The following COL9A1 variants were observed in gnomAD, a reference collection of about 807,000 sequenced individuals.
COL9A1 encodes the protein collagen alpha-1(IX) chain.
A neutral mutation model predicts 142.6 loss-of-function variants in COL9A1; 104 were observed. That is an observed-to-expected ratio of 0.73 (90% CI 0.62 to 0.86). COL9A1 has a LOEUF of 0.86. COL9A1 is among the 40% of genes least tolerant of loss of function. The pLI, the probability that COL9A1 is intolerant of heterozygous loss-of-function variation, is 0.00. For synonymous variants in COL9A1, 466 were observed against 396.0 expected, an observed-to-expected ratio of 1.18 and a Z score of -2.10; for missense variants, 1,210 against 1,176.6, an observed-to-expected ratio of 1.03 and a Z score of -0.42.
intron 19 of COL9A1, among the ~76,000 whole-genome samples, chr6:70,261,409 C>T (rs968291034): frequency 6.6e-6 from 1 of 152,130 alleles, no homozygotes; most frequent in Non-Finnish European, 1.5e-5. Flanking sequence ...AGAAATGGAT[C>T]CTGGAAGGAG....
intron 26 of COL9A1, 78 bp from the exon 27 acceptor site, chr6:70,252,393 A>C (rs1345505949): frequency 1.1e-5 from 14 of 1,269,240 alleles, no homozygotes. Flanking sequence ...CCAGACTGGG[A>C]TCTCTTACAT....
intron 28 of COL9A1, among the ~76,000 whole-genome samples, chr6:70,244,712 TTAAAA>T (rs1770482356): frequency 6.6e-6 from 1 of 152,240 alleles, no homozygotes; most frequent in South Asian, 2.1e-4. Context: ...AAGGGCTAAA[TTAAAA>T]TAAGAGATTG....
In COL9A1 at chr6:70,234,951, A is replaced by G. The variant is rs1447785504; in HGVS notation, c.2113-11T>C. 2 of 1,614,080 alleles carry G rather than the reference A, an allele frequency of 1.2e-6. No homozygotes were observed. The highest frequency in any genetic ancestry group is 2.2e-5 in the South Asian group (2 of 91,078). ...CCCAGGATTACCTGCCTGGAACACA[A>G]TTGCACACTATCAAACCAGGGCTAA... is the stretch of plus-strand genomic sequence containing the variant. On this transcript the variant is annotated splice_polypyrimidine_tract_variant and intron_variant, in intron 33 of 37. Coordinates refer to ENST00000357250, the MANE Select transcript of COL9A1 (RefSeq NM_001851.6).
chr6:70,231,983 G>T (rs1769579476), intron 36 of COL9A1, among the ~76,000 whole-genome samples: 1 of 151,910 alleles, frequency 6.6e-6, no homozygotes, highest in African/African-American at 2.4e-5. Flanking sequence ...TGGATGCAAG[G>T]GCTTAACTTG....
chr6:70,269,003 C>T, intron 16 of COL9A1, 143 bp from the exon 17 acceptor site: 2 of 679,376 alleles, frequency 2.9e-6, no homozygotes, highest in South Asian at 3.3e-5. Context: ...ATTCTAAACA[C>T]CCCTTTCCTT....
At chr6:70,278,983 T>C (rs616642) in intron 10 of COL9A1, among the ~76,000 whole-genome samples, 20,492 of 152,218 alleles carry the variant, frequency 0.13, 1,874 homozygotes, top group African/African-American at 0.26. Context: ...TGACATTATA[T>C]TGCAGTTTAA....
intron 7 of COL9A1, 65 bp from the exon 8 acceptor site, chr6:70,281,529 T>G: frequency 7.7e-7 from 1 of 1,303,090 alleles, no homozygotes; most frequent in Non-Finnish European, 1.1e-6. Flanking sequence ...CTGAGCGCGG[T>G]GCCCTGAAGC....
At chr6:70,231,326 G>C (rs1382346139) in intron 36 of COL9A1, among the ~76,000 whole-genome samples, 1 of 152,206 alleles carries the variant, frequency 6.6e-6, no homozygotes, top group East Asian at 1.9e-4. Context: ...AGAGTGAATT[G>C]AGACTAACCA....
chr6:70,303,001 AC>A lies in COL9A1; in HGVS notation c.-78del, dbSNP rs1774130844. On this transcript the variant is annotated 5_prime_UTR_variant, in exon 1 of 38. Transcript: ENST00000357250. ...GGAAGGGAGTCACTGTCCCCTCACG[AC>A]CCCTTCACTGTTACCCTAGGACTAT... 1 of 1,443,418 alleles carries A rather than the reference AC, an allele frequency of 6.9e-7. No individual in the cohort carries two copies. Among genetic ancestry groups the A allele is most frequent in the African/African-American group, 1.4e-5 (1 of 71,052 alleles). 89.4% of individuals were successfully genotyped at this position (1,443,418 alleles called of 1,614,324 possible). A position where few individuals can be genotyped will look rare whatever the true frequency, so the allele number is the denominator to read the frequency against.
At chr6:70,267,011 A>G (rs898703573) in intron 17 of COL9A1, among the ~76,000 whole-genome samples, 1 of 152,240 alleles carries the variant, frequency 6.6e-6, no homozygotes, top group Non-Finnish European at 1.5e-5. Flanking sequence ...TACCTAGTTC[A>G]GCAATGTGAT....
chr6:70,263,398 G>T, intron 18 of COL9A1, 101 bp from the exon 19 acceptor site: 1 of 904,376 alleles, frequency 1.1e-6, no homozygotes, highest in East Asian at 2.7e-5. Flanking sequence ...AAGTTAACTT[G>T]GTGACTCCTG....
rs770789859 is a variant in COL9A1 at position 70,302,911 on chromosome 6, C to T, written c.14G>A (p.Trp5Ter). 4 of 1,614,056 alleles carry T rather than the reference C, an allele frequency of 2.5e-6. No individual in the cohort carries two copies. Among genetic ancestry groups the T allele is most frequent in the East Asian group, 2.2e-5 (1 of 44,856 alleles). Residue 5 changes from tryptophan to a stop codon, truncating the protein, a stop_gained and splice_region_variant, in exon 1 of 38, where the codon TGG becomes TAG. Coordinates refer to ENST00000357250, the MANE Select transcript of COL9A1 (RefSeq NM_001851.6). LOFTEE classifies it high-confidence loss of function. The part of the protein sequence containing the change: MKTC[W>*]KIPVFFFVCS... ...ACTCTTTCCAGGGTTATTGTCTTACCAGCAGGTCTTCATTTTCCCAGTTGA... is the reference window on the plus strand; with the variant it reads ...ACTCTTTCCAGGGTTATTGTCTTACTAGCAGGTCTTCATTTTCCCAGTTGA...
intron 26 of COL9A1, 33 bp downstream of exon 26, chr6:70,253,352 A>G (rs948090053): frequency 2.1e-6 from 3 of 1,402,764 alleles, no homozygotes; most frequent in Admixed American, 3.4e-5. Flanking sequence ...AGAAATTAAG[A>G]AAGATATTAA....
At chr6:70,223,785 A>C (rs1224609746) in intron 37 of COL9A1, among the ~76,000 whole-genome samples, 2 of 152,250 alleles carry the variant, frequency 1.3e-5, no homozygotes, top group Non-Finnish European at 2.9e-5. Flanking sequence ...CAGATTTGTC[A>C]CTAAATAATG....
chr6:70,251,420 C>A (rs1313127735), intron 28 of COL9A1, among the ~76,000 whole-genome samples: 2 of 152,036 alleles, frequency 1.3e-5, no homozygotes, highest in African/African-American at 4.8e-5. Context: ...GGTGATGCAC[C>A]CCTTCAGTCC....
At chr6:70,247,675 A>C (rs1041543646) in intron 28 of COL9A1, among the ~76,000 whole-genome samples, 2 of 152,266 alleles carry the variant, frequency 1.3e-5, no homozygotes, top group South Asian at 2.1e-4. Flanking sequence ...AGGTCATATT[A>C]GTCCTACTAC....
intron 19 of COL9A1, among the ~76,000 whole-genome samples, chr6:70,261,552 T>G (rs1771688904): frequency 6.6e-6 from 1 of 152,204 alleles, no homozygotes; most frequent in East Asian, 1.9e-4. Flanking sequence ...AGCATTTCCC[T>G]CTTCTTCTCA....
intron 28 of COL9A1, among the ~76,000 whole-genome samples, chr6:70,249,699 A>G (rs1352242213): frequency 1.3e-5 from 2 of 152,110 alleles, no homozygotes; most frequent in Non-Finnish European, 2.9e-5. Context: ...AAAATCAAAA[A>G]TCTAAAACTC....
In COL9A1 at chr6:70,241,561, G is replaced by T. The variant is rs1770261769; in HGVS notation, c.1999-107C>A. 6 of 908,562 alleles carry T rather than the reference G, an allele frequency of 6.6e-6. No individual in the cohort carries two copies. In the East Asian group the frequency reaches 1.6e-4, roughly 24 times the overall value. 56.3% of individuals were successfully genotyped at this position (908,562 alleles called of 1,614,324 possible). A position where few individuals can be genotyped will look rare whatever the true frequency, so the allele number is the denominator to read the frequency against. ...TAAGCACAAGTACGGATAATGTGAT[G>T]GGAGAGGACGTTCCCACTCCTCACC... On this transcript the variant is annotated intron_variant, in intron 30 of 37. Transcript: ENST00000357250.
Sources: allele counts gnomAD v4.1 joint callset (sites outside exome capture counted in the v4.1 genomes callset), GRCh38; gene constraint gnomAD v4.1.1; transcripts MANE v1.5; gene names NCBI Gene and HGNC (gene_info 2026-07-23, HGNC 2026-07-21).